MTCL1: variants seen among roughly 807,000 people sequenced by gnomAD.
MTCL1 encodes microtubule cross-linking factor 1.
In MTCL1, 79 loss-of-function variants were observed where a neutral mutation model predicts 141.4. The ratio of observed to expected loss-of-function variants is 0.56; its 90% CI spans 0.47 to 0.67. The LOEUF (loss-of-function observed/expected upper bound fraction) is 0.67, where lower values mean the gene tolerates loss of function less well. MTCL1 is among the 30% of genes least tolerant of loss of function. The pLI is 0.00. For synonymous variants in MTCL1, 914 were observed against 875.8 expected, an observed-to-expected ratio of 1.04 and a Z score of -0.77; for missense variants, 2,177 against 2,113.9, an observed-to-expected ratio of 1.03 and a Z score of -0.59.
chr18:8,714,556 A>T (rs150610670), upstream of MTCL1, among the ~76,000 whole-genome samples: 214 of 152,296 alleles, frequency 1.4e-3, no homozygotes, highest in Non-Finnish European at 2.3e-3. Context: ...AGGAGCAAAG[A>T]CACATATTAC....
Position 8,828,758 on chromosome 18 carries a change from C to T in MTCL1, c.4723-150C>T. ...GAGTGAATGTGCTAGATCTGAGAGC[C>T]CGCAAGTCTCTCCTGGTGGCTACCC... On this transcript the variant is annotated intron_variant, in intron 15 of 16. Coordinates refer to ENST00000359865, the Ensembl canonical transcript of MTCL1. This position sits in a 1 kb window ranked among gnomAD's most constrained non-coding sequence, Gnocchi z 5.2. 1.5e-6 allele frequency: 2 copies of T among 1,325,498 alleles called. No individual in the cohort carries two copies. Among genetic ancestry groups the T allele is most frequent in the African/African-American group, 1.5e-5 (1 of 68,648 alleles). 82.1% of individuals were successfully genotyped at this position (1,325,498 alleles called of 1,614,324 possible).
At chr18:8,806,602 G>T (rs971489951) in intron 10 of MTCL1, among the ~76,000 whole-genome samples, 3 of 152,136 alleles carry the variant, frequency 2.0e-5, no homozygotes, top group African/African-American at 4.8e-5. Context: ...CACAGTGCCA[G>T]CCCAGGTTCC....
chr18:8,714,168 C>T (rs896715113), upstream of MTCL1, among the ~76,000 whole-genome samples: 8 of 152,190 alleles, frequency 5.3e-5, no homozygotes, highest in South Asian at 4.1e-4. Flanking sequence ...GGTATTTACT[C>T]GAAAGAGTGT....
At chr18:8,743,643 T>C (rs889972228) in intron 4 of MTCL1, among the ~76,000 whole-genome samples, 1 of 152,368 alleles carries the variant, frequency 6.6e-6, no homozygotes, top group South Asian at 2.1e-4. Context: ...TCTTTCTTCA[T>C]CTTCAAAGCC....
At chr18:8,724,392 C>T (rs1318781640) in intron 4 of MTCL1, among the ~76,000 whole-genome samples, 1 of 152,124 alleles carries the variant, frequency 6.6e-6, no homozygotes, top group African/African-American at 2.4e-5. Flanking sequence ...ACTTGGGCAA[C>T]AAGAGCAAAA....
At chr18:8,788,486 G>A (rs2075601159) in intron 7 of MTCL1, among the ~76,000 whole-genome samples, 1 of 152,160 alleles carries the variant, frequency 6.6e-6, no homozygotes. Context: ...CTGCCTTATG[G>A]ATTTTTATAT....
intron 9 of MTCL1, among the ~76,000 whole-genome samples, chr18:8,796,798 C>T (rs1366693111): frequency 6.6e-6 from 1 of 152,226 alleles, no homozygotes; most frequent in Non-Finnish European, 1.5e-5. Flanking sequence ...ACAGACTTCC[C>T]TGTGAAACCT....
intron 15 of MTCL1, among the ~76,000 whole-genome samples, chr18:8,827,405 C>A (rs934719825): frequency 7.2e-5 from 11 of 152,236 alleles, no homozygotes; most frequent in African/African-American, 2.4e-4. Context: ...ACCTGTGGAA[C>A]TGCCAATGGC....
intron 1 of MTCL1, 78 bp downstream of exon 1, chr18:8,706,791 C>T: frequency 1.3e-6 from 2 of 1,521,040 alleles, no homozygotes; most frequent in Non-Finnish European, 1.8e-6. Flanking sequence ...CCAACCCCTC[C>T]TTCCCGGGCC....
rs1424312158 is a variant in MTCL1 at position 8,779,004 on chromosome 18, G to C, written c.417+1112G>C. ...CGTTGAGCCGCCCACCCAGCCGGTGGGATTATTGAGGAAGGAGTTTCTGTT... is the reference window on the plus strand; with the variant it reads ...CGTTGAGCCGCCCACCCAGCCGGTGCGATTATTGAGGAAGGAGTTTCTGTT... On this transcript the variant is annotated intron_variant, in intron 5 of 16. Transcript: ENST00000359865. The surrounding 1 kb of genome is among the most constrained non-coding windows in gnomAD (Gnocchi z 4.1). Among the ~76,000 whole-genome samples, 1 of 152,200 alleles carries C rather than the reference G, an allele frequency of 6.6e-6. No homozygotes were observed. Among genetic ancestry groups the C allele is most frequent in the African/African-American group, 2.4e-5 (1 of 41,456 alleles).
chr18:8,786,378 A>C, intron 7 of MTCL1: 4 of 640,726 alleles, frequency 6.2e-6, no homozygotes, highest in Non-Finnish European at 1.2e-5. Flanking sequence ...AAGTAGGCTG[A>C]TTGGTGAGTG....
intron 4 of MTCL1, among the ~76,000 whole-genome samples, chr18:8,766,408 G>T (rs559072852): frequency 5.3e-4 from 81 of 152,150 alleles, no homozygotes; most frequent in African/African-American, 1.9e-3. Context: ...TAGGCTCTGT[G>T]CCCTGGTCTG....
rs570060040 is a variant in MTCL1 at position 8,770,917 on chromosome 18, G to A, written c.358-6916G>A. On this transcript the variant is annotated intron_variant, in intron 4 of 16. Transcript: ENST00000359865. ...TGGTGTGAAAGGAAGCAGGCTCCCC[G>A]GAACTATTAAAGGGATAGGTGAAAA... Among the ~76,000 whole-genome samples the A allele has an allele frequency of 1.6e-4, 25 of 152,032 alleles. No individual in the cohort carries two copies. In the South Asian group the frequency reaches 2.3e-3, roughly 14 times the overall value.
upstream of MTCL1, among the ~76,000 whole-genome samples, chr18:8,713,942 C>G (rs1598360880): frequency 6.6e-6 from 1 of 152,124 alleles, no homozygotes. Flanking sequence ...GACTCTGTCT[C>G]TTTAAAAAAA....
intron 5 of MTCL1, among the ~76,000 whole-genome samples, chr18:8,781,758 G>A (rs2096533321): frequency 6.6e-6 from 1 of 152,194 alleles, no homozygotes; most frequent in African/African-American, 2.4e-5. Flanking sequence ...GTTCACCGGG[G>A]CTCTGTGATG....
exon 15 of MTCL1, chr18:8,825,408 G>T: frequency 6.5e-7 from 1 of 1,545,128 alleles, no homozygotes; most frequent in South Asian, 1.3e-5. Flanking sequence ...CTCCGGCCCT[G>T]GCGAGCTGCA....
chr18:8,727,480 G>A (rs1356461240), intron 4 of MTCL1, among the ~76,000 whole-genome samples: 3 of 152,054 alleles, frequency 2.0e-5, no homozygotes, highest in East Asian at 1.9e-4. Flanking sequence ...TTTAATAACA[G>A]CCATTCTGAC....
chr18:8,727,851 C>CTTCT (rs1555629838), intron 4 of MTCL1, among the ~76,000 whole-genome samples: 11,140 of 109,846 alleles, frequency 0.1, 1,267 homozygotes, highest in African/African-American at 0.33. Context: ...CTGCTTGCTC[C>CTTCT]TTCTCTCTCT....
At chr18:8,774,739 C>T (rs566062186) in intron 4 of MTCL1, among the ~76,000 whole-genome samples, 63 of 152,236 alleles carry the variant, frequency 4.1e-4, no homozygotes, top group Non-Finnish European at 1.2e-4. Context: ...CTGCCCACTT[C>T]GGCCTCCCAA....
Sources: allele counts gnomAD v4.1 joint callset (sites outside exome capture counted in the v4.1 genomes callset), GRCh38; gene constraint gnomAD v4.1.1; non-coding constraint Gnocchi (gnomAD v3.1); transcripts MANE v1.5; gene names NCBI Gene and HGNC (gene_info 2026-07-23, HGNC 2026-07-21).